NEFH: variants seen among roughly 807,000 people sequenced by gnomAD.
The protein encoded by NEFH is neurofilament heavy polypeptide.
In NEFH, 58 loss-of-function variants were observed where a neutral mutation model predicts 56.6. That is an observed-to-expected ratio of 1.03 (90% CI 0.83 to 1.28). NEFH has a LOEUF of 1.28. Among genes scored for constraint, NEFH ranks in the 50% most tolerant of loss-of-function variants. The probability of loss-of-function intolerance (pLI) is 0.00; values close to 1 mark genes in which losing one functional copy is unlikely to be tolerated. For synonymous variants in NEFH, 542 were observed against 545.8 expected, an observed-to-expected ratio of 0.99 and a Z score of 0.10; for missense variants, 1,221 against 1,307.6, an observed-to-expected ratio of 0.93 and a Z score of 1.02.
intron 1 of NEFH, among the ~76,000 whole-genome samples, chr22:29,482,446 G>C (rs945808979): frequency 2.6e-5 from 4 of 152,010 alleles, no homozygotes; most frequent in Admixed American, 6.5e-5. Context: ...AACCACGAGC[G>C]GGTTGCTGGC....
chr22:29,485,692 G>T, intron 2 of NEFH, 31 bp from the exon 3 acceptor site: 1 of 1,609,048 alleles, frequency 6.2e-7, no homozygotes, highest in Non-Finnish European at 8.5e-7. Flanking sequence ...ACACTGGCTG[G>T]CATGTGATGT....
chr22:29,489,054 G>A lies in NEFH; in HGVS notation c.1414G>A (p.Glu472Lys). 6.2e-7 allele frequency: 1 copy of A among 1,613,972 alleles called. No homozygotes were observed. Among genetic ancestry groups the A allele is most frequent in the Non-Finnish European group, 8.5e-7 (1 of 1,179,844 alleles). Residue 472 changes from glutamate to lysine, a missense_variant, in exon 4 of 4, where the codon GAA becomes AAA. By Grantham distance (56) the Glu-to-Lys change is moderately conservative (BLOSUM62 1). Around this residue, in one of 4 missense-constraint regions of NEFH, gnomAD observed 243 missense variants for 299.1 expected, o/e 0.81. Transcript: ENST00000310624. ...GACCCAAGTGACTGAAGAAGTGACT[G>A]AAGAAGAGGAGAAAGAGGCCAAAGA... ...EETQVTEEVT[E>K]EEEKEAKEEE...
At chr22:29,484,384 A>G (rs2063031705) in intron 2 of NEFH, among the ~76,000 whole-genome samples, 1 of 152,114 alleles carries the variant, frequency 6.6e-6, no homozygotes, top group Non-Finnish European at 1.5e-5. Context: ...TCATGCCTGT[A>G]ATCCCAGCAC....
intron 3 of NEFH, 79 bp downstream of exon 3, chr22:29,485,926 C>T (rs985003661): frequency 1.4e-5 from 22 of 1,519,852 alleles, no homozygotes; most frequent in African/African-American, 5.5e-5. Flanking sequence ...TTCAAGACCC[C>T]GTTTAGGCAG....
rs2063077755 is a variant in NEFH at position 29,490,873 on chromosome 22, AAG to A, written c.*175_*176del. 2.2e-6 allele frequency: 3 copies of A among 1,344,966 alleles called. No homozygotes were observed. In the South Asian group the frequency reaches 3.8e-5, roughly 17 times the overall value. The allele number at this position is 1,344,966 out of a possible 1,614,324, so 83.3% of individuals were successfully genotyped here. On this transcript the variant is annotated 3_prime_UTR_variant, in exon 4 of 4. Transcript: ENST00000310624. ...GAATTTCTGTTAGCAATATGTTAGC[AAG>A]AGAGGGCACTCCCAGGCCCCTGCCC...
Position 29,482,209 on chromosome 22 carries a change from T to TC in NEFH, c.883+1068dup, listed in dbSNP as rs543584318. Among the ~76,000 whole-genome samples the TC allele has an allele frequency of 2.4e-4, 36 of 152,194 alleles. No homozygotes were observed. The East Asian group carries it at 6.0e-3, about 25-fold the overall frequency. On this transcript the variant is annotated intron_variant, in intron 1 of 3. Transcript: ENST00000310624. Reference sequence around the variant, plus strand: ...TCCACTCCTCTGCAGAGCAGAACCATCCCCTCCTCCATCTCCGCAGCAAGG... The same window carrying TC: ...TCCACTCCTCTGCAGAGCAGAACCATCCCCCTCCTCCATCTCCGCAGCAAGG...
At position 29,489,370 on chromosome 22, in the gene NEFH, A is replaced by G; in HGVS notation, c.1730A>G (p.Glu577Gly). 1.2e-6 allele frequency: 2 copies of G among 1,612,708 alleles called. No individual in the cohort carries two copies. Among genetic ancestry groups the G allele is most frequent in the Non-Finnish European group, 1.7e-6 (2 of 1,179,138 alleles). Residue 577 changes from glutamate to glycine, a missense_variant, in exon 4 of 4, where the codon GAG becomes GGG. By Grantham distance (98) the Glu-to-Gly change is moderately conservative. This residue lies in a region of NEFH where 243 missense variants were observed against 299.1 expected (regional missense o/e 0.81). Coordinates refer to ENST00000310624, the MANE Select transcript of NEFH (RefSeq NM_021076.4). ...AAGGAGGAAGCAAAATCTCCAGCTG[A>G]GGTCAAGTCCCCCGAGAAGGCCAAG... ...PEKEEAKSPAEVKSPEKAKSP... is the reference protein window; with the variant it reads ...PEKEEAKSPAGVKSPEKAKSP...
At position 29,488,875 on chromosome 22, in the gene NEFH, G is replaced by A. The variant is rs763701610; in HGVS notation, c.1235G>A (p.Arg412Gln). The A allele has an allele frequency of 1.9e-5, 31 of 1,614,136 alleles. No individual in the cohort carries two copies. Among genetic ancestry groups the A allele is most frequent in the East Asian group, 1.1e-4 (5 of 44,884 alleles). ...YRKLLEGEEC[R>Q]IGFGPIPFSL... The stretch of plus-strand genomic sequence containing the variant: ...AAACTCCTGGAAGGTGAAGAGTGTC[G>A]GATTGGCTTTGGCCCAATTCCTTTC... Residue 412 changes from arginine to glutamine, a missense_variant, in exon 4 of 4, where the codon CGG becomes CAG. This residue lies in a region of NEFH where 243 missense variants were observed against 299.1 expected (regional missense o/e 0.81). Coordinates refer to ENST00000310624, the MANE Select transcript of NEFH (RefSeq NM_021076.4).
Position 29,490,320 on chromosome 22 carries a change from A to T in NEFH, c.2680A>T (p.Lys894Ter), listed in dbSNP as rs1317830834. ...KPKESKVEAK[K>*]EEAEDKKKVP... is the part of the protein sequence containing the mutation. ...CAAAGAATCCAAAGTTGAAGCCAAG[A>T]AGGAAGAGGCTGAAGATAAGAAAAA... The change falls in exon 4 of 4, where the codon AAG (lysine) becomes TAG (stop). Residue 894 changes from lysine (K) to a stop codon, truncating the protein, a stop_gained. Transcript: ENST00000310624. LOFTEE classifies it high-confidence loss of function. 1 of 1,613,218 alleles carries T rather than the reference A, an allele frequency of 6.2e-7. No individual in the cohort carries two copies. The highest frequency in any genetic ancestry group is 8.5e-7 in the Non-Finnish European group (1 of 1,179,682).
At chr22:29,488,650 C>T (rs541500423) in intron 3 of NEFH, among the ~76,000 whole-genome samples, 199 bp from the exon 4 acceptor site, 4 of 152,154 alleles carry the variant, frequency 2.6e-5, no homozygotes, top group Admixed American at 6.5e-5. Flanking sequence ...CCAGTCCCAC[C>T]GGGGTACACA....
Position 29,480,351 on chromosome 22 carries a change from G to A in NEFH, c.89G>A (p.Arg30Gln), listed in dbSNP as rs2146390547. Residue 30 changes from arginine to glutamine, a missense_variant, in exon 1 of 4, where the codon CGA becomes CAA. Around this residue, in one of 4 missense-constraint regions of NEFH, gnomAD observed 640 missense variants for 555.5 expected, o/e 1.15. Coordinates refer to ENST00000310624, the MANE Select transcript of NEFH (RefSeq NM_021076.4). ...GGCAGCCTCCACTACGCGCTAGCCC[G>A]AAAGGGTGGCGCAGGCGGGACGCGC... ...GGGSLHYALA[R>Q]KGGAGGTRSA... 1.3e-6 allele frequency: 2 copies of A among 1,535,012 alleles called. No homozygotes were observed. Among genetic ancestry groups the A allele is most frequent in the South Asian group, 1.2e-5 (1 of 83,808 alleles).
At chr22:29,481,230 C>A in intron 1 of NEFH, 85 bp downstream of exon 1, 1 of 1,337,080 alleles carries the variant, frequency 7.5e-7, no homozygotes, top group Non-Finnish European at 1.0e-6. Flanking sequence ...GGGGGCGCTG[C>A]CGGACTGCGC....
intron 1 of NEFH, 144 bp from the exon 2 acceptor site, chr22:29,483,231 A>G: frequency 1.4e-6 from 1 of 736,728 alleles, no homozygotes; most frequent in Non-Finnish European, 2.3e-6. Context: ...GCGAGCTGAG[A>G]GTGCACCACT....
chr22:29,483,674 T>C (rs1026707642), intron 2 of NEFH, 100 bp downstream of exon 2: 1 of 1,211,602 alleles, frequency 8.3e-7, no homozygotes, highest in African/African-American at 1.5e-5. Flanking sequence ...TGGTTAAGAT[T>C]GTGGCCCTTG....
In NEFH at chr22:29,485,380, G is replaced by A. The variant is rs534920944; in HGVS notation, c.1084-343G>A. On this transcript the variant is annotated intron_variant, in intron 2 of 3. Transcript: ENST00000310624. The stretch of plus-strand genomic sequence containing the variant: ...AGCTTCCCAAAGTGTTGGGAATACA[G>A]GCTTGAGCCACCACTCCCGGCCTCA... Among the ~76,000 whole-genome samples the A allele has an allele frequency of 2.4e-4, 37 of 152,308 alleles. 1 individual carries two copies. In the South Asian group the frequency reaches 7.7e-3, roughly 32 times the overall value.
In NEFH at chr22:29,490,031, G is replaced by T. The variant is rs541667931; in HGVS notation, c.2391G>T (p.Glu797Asp). The T allele has an allele frequency of 6.2e-7, 1 of 1,613,964 alleles. No homozygotes were observed. The highest frequency in any genetic ancestry group is 1.1e-5 in the South Asian group (1 of 91,066). The change falls in exon 4 of 4, where the codon GAG becomes GAT. Residue 797 changes from glutamate (E) to aspartate (D), a missense_variant. Around this residue, in one of 4 missense-constraint regions of NEFH, gnomAD observed 301 missense variants for 346.6 expected, o/e 0.87. Coordinates refer to ENST00000310624, the MANE Select transcript of NEFH (RefSeq NM_021076.4). ...SPVKEEVKSP[E>D]KAKSPLKEDA... ...TCAAGGAGGAGGTCAAGTCCCCAGA[G>T]AAGGCGAAATCTCCCCTGAAGGAGG...
At chr22:29,481,666 AC>A (rs1168824251) in intron 1 of NEFH, among the ~76,000 whole-genome samples, 1 of 151,984 alleles carries the variant, frequency 6.6e-6, no homozygotes, top group Non-Finnish European at 1.5e-5. Flanking sequence ...TAAATCTTCC[AC>A]GTGGGGGTGG....
chr22:29,490,778 C>T lies in NEFH; in HGVS notation c.*75C>T. ...CCGGAGCTCAAGGATCAGAGTAACA[C>T]AATTTTCACTTTTTCTGTCTTTATG... On this transcript the variant is annotated 3_prime_UTR_variant, in exon 4 of 4. Coordinates refer to ENST00000310624, the MANE Select transcript of NEFH (RefSeq NM_021076.4). 1 of 1,595,004 alleles carries T rather than the reference C, an allele frequency of 6.3e-7. No individual in the cohort carries two copies. Among genetic ancestry groups the T allele is most frequent in the Non-Finnish European group, 8.5e-7 (1 of 1,171,780 alleles).
rs532661463 is a variant in NEFH, at chr22:29,488,756, C to A, written c.1209-93C>A. 15 of 1,178,130 alleles carry A rather than the reference C, an allele frequency of 1.3e-5. No homozygotes were observed. In the Admixed American group the frequency reaches 2.6e-4, roughly 20 times the overall value. The allele number at this position is 1,178,130 out of a possible 1,614,324, so 73.0% of individuals were successfully genotyped here. The stretch of plus-strand genomic sequence containing the variant: ...CTGTTCCACCAAAACCCATATCATT[C>A]GATGTCAGTGACCTTCAGGATAGTC... On this transcript the variant is annotated intron_variant, in intron 3 of 3. Coordinates refer to ENST00000310624, the MANE Select transcript of NEFH (RefSeq NM_021076.4).
Sources: gnomAD v4.1 joint callset for allele counts (sites outside exome capture counted in the v4.1 genomes callset) on GRCh38, gnomAD v4.1.1 for gene constraint, gnomAD v4.1.1 regional missense constraint, MANE v1.5 for transcripts, NCBI Gene and HGNC (gene_info 2026-07-23, HGNC 2026-07-21) for gene names.